GRIP1: variants seen among roughly 807,000 people sequenced by gnomAD.
GRIP1 encodes the protein glutamate receptor-interacting protein 1.
Under a neutral mutation model 129.9 loss-of-function variants are expected in GRIP1, and 45 were observed. That is an observed-to-expected ratio of 0.35 (90% CI 0.27 to 0.44). The LOEUF (loss-of-function observed/expected upper bound fraction) is 0.44. GRIP1 is among the 20% of genes least tolerant of loss of function. The pLI is 1.00. For synonymous variants in GRIP1, 530 were observed against 520.8 expected (o/e 1.02, Z -0.24); for missense variants, 1,196 against 1,396.8 (o/e 0.86, Z 2.29).
intron 2 of GRIP1, chr12:66,563,435 A>G (rs1184999772): frequency 1.3e-5 from 2 of 152,162 alleles, no homozygotes; most frequent in African/African-American, 4.8e-5. Context: ...GAAAAAGGGA[A>G]GCTTTTCCCA....
At chr12:66,851,410 G>A (rs776285407) in intron 1 of GRIP1, among the ~76,000 whole-genome samples, 4 of 152,056 alleles carry the variant, frequency 2.6e-5, no homozygotes, top group Non-Finnish European at 5.9e-5. Context: ...GAGCTCAGCA[G>A]CCCAAAGCCA....
chr12:66,627,255 A>G (rs1592668706), intron 1 of GRIP1, among the ~76,000 whole-genome samples: 1 of 152,306 alleles, frequency 6.6e-6, no homozygotes, highest in South Asian at 2.1e-4. Context: ...CAATCCTGAA[A>G]TTCAACACAA....
chr12:66,458,892 T>A lies in GRIP1; in HGVS notation c.1043-2550A>T, dbSNP rs567173899. ...TTGTATGACTGCCTCCTTCTCATCA[T>A]TCAGGTCTCACCCGAGGTGCCACCT... On this transcript the variant is annotated intron_variant, in intron 9 of 24. Coordinates refer to ENST00000359742, the MANE Select transcript of GRIP1 (RefSeq NM_001366722.1). Among the ~76,000 whole-genome samples, 3 of 152,358 alleles carry A rather than the reference T, an allele frequency of 2.0e-5. No individual in the cohort carries two copies. The South Asian group carries it at 6.2e-4, about 32-fold the overall frequency.
intron 1 of GRIP1, among the ~76,000 whole-genome samples, chr12:66,621,489 A>G (rs1169003542): frequency 1.8e-5 from 2 of 108,258 alleles, no homozygotes; most frequent in African/African-American, 3.2e-5. Context: ...CATTTTGTTT[A>G]TTCATCTGTT....
intron 1 of GRIP1, among the ~76,000 whole-genome samples, chr12:67,021,268 C>T (rs1401072457): frequency 6.6e-6 from 1 of 152,048 alleles, no homozygotes; most frequent in Non-Finnish European, 1.5e-5. Flanking sequence ...TCTTTTCTCC[C>T]ACCACATCCC....
intron 23 of GRIP1, 27 bp downstream of exon 23, chr12:66,371,667 T>C (rs767410172): frequency 1.3e-6 from 2 of 1,496,886 alleles, no homozygotes; most frequent in South Asian, 1.1e-5. Flanking sequence ...AATTTGACCC[T>C]AGGGAAAGAA....
intron 19 of GRIP1, among the ~76,000 whole-genome samples, chr12:66,380,245 T>C (rs1354404808): frequency 6.6e-6 from 1 of 152,118 alleles, no homozygotes; most frequent in African/African-American, 2.4e-5. Flanking sequence ...GGCCCTGGGA[T>C]ATAAACTCCT....
At chr12:66,990,796 A>G (rs1944881038) in intron 1 of GRIP1, among the ~76,000 whole-genome samples, 1 of 152,072 alleles carries the variant, frequency 6.6e-6, no homozygotes, top group Admixed American at 6.5e-5. Context: ...AGAATTCGAG[A>G]CCATTCTGAC....
At chr12:67,066,101 GC>G (rs1167297160) in intron 1 of GRIP1, among the ~76,000 whole-genome samples, 1 of 152,130 alleles carries the variant, frequency 6.6e-6, no homozygotes, top group Non-Finnish European at 1.5e-5. Flanking sequence ...TGCATTTACT[GC>G]AACAACCCAT....
intron 16 of GRIP1, among the ~76,000 whole-genome samples, chr12:66,401,964 G>A (rs1435531853): frequency 6.6e-6 from 1 of 152,082 alleles, no homozygotes; most frequent in Non-Finnish European, 1.5e-5. Flanking sequence ...GCCCCCCATT[G>A]GTTTCTGGGA....
At chr12:67,058,121 T>A (rs2043469383) in intron 1 of GRIP1, among the ~76,000 whole-genome samples, 1 of 152,188 alleles carries the variant, frequency 6.6e-6, no homozygotes, top group African/African-American at 2.4e-5. Flanking sequence ...TCAGAAGATA[T>A]GACGGAAGGA....
chr12:67,027,169 A>T (rs1229293366), intron 1 of GRIP1, among the ~76,000 whole-genome samples: 1 of 152,182 alleles, frequency 6.6e-6, no homozygotes, highest in East Asian at 1.9e-4. Context: ...CAGTAAGGAC[A>T]TCCAACAGCT....
At chr12:66,470,227 C>A (rs1014539027) in intron 7 of GRIP1, among the ~76,000 whole-genome samples, 1 of 152,172 alleles carries the variant, frequency 6.6e-6, no homozygotes, top group Middle Eastern at 3.2e-3. Context: ...AGTACAGGTT[C>A]TTAACATGGT....
intron 14 of GRIP1, among the ~76,000 whole-genome samples, chr12:66,424,863 G>C (rs149870204): frequency 8.5e-4 from 130 of 152,244 alleles, no homozygotes; most frequent in African/African-American, 2.5e-3. Context: ...TTGCTAATCT[G>C]TCTGGACTGG....
intron 1 of GRIP1, among the ~76,000 whole-genome samples, chr12:66,727,403 C>G (rs1199579776): frequency 6.6e-6 from 1 of 152,178 alleles, no homozygotes; most frequent in Non-Finnish European, 1.5e-5. Context: ...CTGCTCAGTC[C>G]TCTTGCTCTT....
intron 1 of GRIP1, among the ~76,000 whole-genome samples, chr12:66,922,718 A>G (rs1305118712): frequency 6.6e-6 from 1 of 152,200 alleles, no homozygotes; most frequent in African/African-American, 2.4e-5. Flanking sequence ...GACTCAGTTG[A>G]CTGCTTTTAC....
In GRIP1 at chr12:66,392,678, A is replaced by G. The variant is rs2056637706; in HGVS notation, c.2268T>C (p.Asp756=). 6.2e-7 allele frequency: 1 copy of G among 1,614,106 alleles called. No individual in the cohort carries two copies. Among genetic ancestry groups the G allele is most frequent in the Non-Finnish European group, 8.5e-7 (1 of 1,179,942 alleles). ...TGTGGCTTTCAATTCACTACTCACC[A>G]TCTGTCTGTTTCTTAATTTTCAAGG... ...TVTLKIKKQT[D]AQSASSPKKF... The change falls in exon 18 of 25, where the codon GAT becomes GAC. Residue 756 remains aspartate, a splice_region_variant and synonymous_variant. Transcript: ENST00000359742.
intron 1 of GRIP1, among the ~76,000 whole-genome samples, chr12:67,043,300 T>C (rs2043206403): frequency 6.6e-6 from 1 of 152,184 alleles, no homozygotes; most frequent in East Asian, 1.9e-4. Flanking sequence ...CGCTAAACTC[T>C]AGAAAAAGTC....
At chr12:66,499,517 T>TA (rs2060328918) in intron 7 of GRIP1, among the ~76,000 whole-genome samples, 1 of 152,184 alleles carries the variant, frequency 6.6e-6, no homozygotes, top group South Asian at 2.1e-4. Context: ...CAACAGAGGA[T>TA]ACAATATGGG....
Sources: allele counts gnomAD v4.1 joint callset (sites outside exome capture counted in the v4.1 genomes callset), GRCh38; gene constraint gnomAD v4.1.1; transcripts MANE v1.5; gene names NCBI Gene and HGNC (gene_info 2026-07-23, HGNC 2026-07-21).